The following NCAPG2 variants were observed in gnomAD, a reference collection of about 807,000 sequenced individuals.
The protein encoded by NCAPG2 is non-SMC condensin II complex subunit G2.
Under a neutral mutation model 141.1 loss-of-function variants are expected in NCAPG2, and 53 were observed. The observed-to-expected ratio is 0.38, with a 90% CI of 0.30 to 0.47. The LOEUF is 0.47. Ranked by LOEUF, NCAPG2 falls within the 20% of genes least tolerant of loss-of-function variation. NCAPG2 has a pLI of 0.99. For missense variants in NCAPG2, 1,087 were observed against 1,389.0 expected (o/e 0.78, Z 3.46); for synonymous variants, 499 against 490.7 (o/e 1.02, Z -0.22).
intron 8 of NCAPG2, 52 bp from the exon 9 acceptor site, chr7:158,683,438 C>T (rs374802551): frequency 1.0e-4 from 140 of 1,370,708 alleles, no homozygotes; most frequent in Non-Finnish European, 1.3e-4. Context: ...GTCCTACTGA[C>T]GACCTGACAA....
In NCAPG2 at chr7:158,680,648, G is replaced by C. The variant is rs1042814529; in HGVS notation, c.1020+73C>G. 3 of 969,622 alleles carry C rather than the reference G, an allele frequency of 3.1e-6. No homozygotes were observed. In the East Asian group the frequency reaches 8.4e-5, roughly 27 times the overall value. 60.1% of individuals were successfully genotyped at this position (969,622 alleles called of 1,614,324 possible). A position where few individuals can be genotyped will look rare whatever the true frequency, so the allele number is the denominator to read the frequency against. ...ATCTTTACTATTTTATTGTAATTTG[G>C]ACTTAGAGTTTGCTAAATTCAAAAG... On this transcript the variant is annotated intron_variant, in intron 10 of 27. Coordinates refer to ENST00000356309, the MANE Select transcript of NCAPG2 (RefSeq NM_017760.7).
At position 158,687,397 on chromosome 7, in the gene NCAPG2, T is replaced by G. The variant is rs755005082; in HGVS notation, c.718A>C (p.Ile240Leu). 6.2e-7 allele frequency: 1 copy of G among 1,611,984 alleles called. No homozygotes were observed. Among genetic ancestry groups the G allele is most frequent in the South Asian group, 1.1e-5 (1 of 90,540 alleles). ...TTAATGGTCCCGTGGATCATTTTGA[T>G]GAAGTTGATATTCCAGTTGAAGAGA... ...SCLFNWNINF[I>L]KMIHGTIKNQ... is the part of the protein sequence containing the mutation. Residue 240 changes from isoleucine (I) to leucine (L), a missense_variant, in exon 7 of 28, where the codon ATC becomes CTC. Coordinates refer to ENST00000356309, the MANE Select transcript of NCAPG2 (RefSeq NM_017760.7).
At chr7:158,644,807 T>G (rs972086077) in intron 26 of NCAPG2, among the ~76,000 whole-genome samples, 2 of 152,198 alleles carry the variant, frequency 1.3e-5, no homozygotes, top group African/African-American at 4.8e-5. Flanking sequence ...AGTCTTTTCT[T>G]ATGCCCAACC....
chr7:158,662,517 G>T, intron 15 of NCAPG2, 150 bp from the exon 16 acceptor site: 1 of 645,880 alleles, frequency 1.5e-6, no homozygotes, highest in Non-Finnish European at 2.4e-6. Context: ...GAATCTTCTA[G>T]GGAGGTAAAT....
Position 158,693,517 on chromosome 7 carries a change from T to C in NCAPG2, c.79-20A>G. On this transcript the variant is annotated intron_variant, in intron 2 of 27. Coordinates refer to ENST00000356309, the MANE Select transcript of NCAPG2 (RefSeq NM_017760.7). ...CTCTTTCTGTAACATAAATAGCAAG[T>C]GTCACATTTCAAATACAAAAAATTA... is the stretch of plus-strand genomic sequence containing the variant. The C allele has an allele frequency of 6.3e-7, 1 of 1,583,110 alleles. No individual in the cohort carries two copies. Among genetic ancestry groups the C allele is most frequent in the Non-Finnish European group, 8.6e-7 (1 of 1,161,944 alleles).
chr7:158,686,498 T>G (rs886761161), intron 7 of NCAPG2, among the ~76,000 whole-genome samples: 1 of 152,336 alleles, frequency 6.6e-6, no homozygotes, highest in Middle Eastern at 3.4e-3. Flanking sequence ...CTATTTTCTG[T>G]GAAACTATGA....
At chr7:158,635,960 C>G (rs1365379131) in intron 27 of NCAPG2, among the ~76,000 whole-genome samples, 1 of 152,134 alleles carries the variant, frequency 6.6e-6, no homozygotes, top group Non-Finnish European at 1.5e-5. Context: ...CTTGTTTCAT[C>G]AATTTGTCAG....
At chr7:158,671,289 A>G (rs1479415272) in intron 13 of NCAPG2, among the ~76,000 whole-genome samples, 5 of 152,220 alleles carry the variant, frequency 3.3e-5, no homozygotes, top group African/African-American at 1.2e-4. Context: ...CGAAAATACA[A>G]TGGAAGGCAG....
In NCAPG2 at chr7:158,656,584, T is replaced by C; in HGVS notation, c.2182A>G (p.Asn728Asp). ...TGGGCATGCTCTGTGGGCAGCCAGTTGTCAACAAGCTCCAGAATGTGCCCC... is the reference window on the plus strand; with the variant it reads ...TGGGCATGCTCTGTGGGCAGCCAGTCGTCAACAAGCTCCAGAATGTGCCCC... ...QVGHILELVD[N>D]WLPTEHAQAK... Residue 728 changes from asparagine to aspartate, a missense_variant, in exon 18 of 28, where the codon AAC becomes GAC. Coordinates refer to ENST00000356309, the MANE Select transcript of NCAPG2 (RefSeq NM_017760.7). 3 of 1,614,126 alleles carry C rather than the reference T, an allele frequency of 1.9e-6. No individual in the cohort carries two copies. Among genetic ancestry groups the C allele is most frequent in the Non-Finnish European group, 2.5e-6 (3 of 1,180,042 alleles).
intron 2 of NCAPG2, among the ~76,000 whole-genome samples, chr7:158,694,443 T>A (rs746419933): frequency 2.0e-5 from 3 of 152,150 alleles, no homozygotes; most frequent in Non-Finnish European, 2.9e-5. Flanking sequence ...GTGTCACCAC[T>A]TTCCCACAGA....
intron 24 of NCAPG2, among the ~76,000 whole-genome samples, chr7:158,649,630 C>G (rs61423427): frequency 0.14 from 21,519 of 152,148 alleles, 1,945 homozygotes; most frequent in East Asian, 0.4. Context: ...GATCTCCCTT[C>G]AAGCTTTAAG....
intron 1 of NCAPG2, chr7:158,703,614 C>T (rs2129469964): frequency 6.6e-6 from 1 of 152,222 alleles, no homozygotes; most frequent in East Asian, 1.9e-4. Flanking sequence ...AGCCCTGCAG[C>T]CAGAATGCTA....
intron 13 of NCAPG2, among the ~76,000 whole-genome samples, chr7:158,670,547 G>A (rs1158363028): frequency 6.6e-6 from 1 of 152,172 alleles, no homozygotes; most frequent in African/African-American, 2.4e-5. Context: ...GTGGGACCCT[G>A]TCTCCCCCTC....
At chr7:158,703,093 T>C (rs917102793) in intron 1 of NCAPG2, among the ~76,000 whole-genome samples, 5 of 152,238 alleles carry the variant, frequency 3.3e-5, no homozygotes, top group African/African-American at 1.2e-4. Flanking sequence ...ATACAGCCTA[T>C]GTGTGTAGGC....
chr7:158,697,175 T>C (rs1298147063), intron 2 of NCAPG2, among the ~76,000 whole-genome samples: 3 of 152,270 alleles, frequency 2.0e-5, no homozygotes, highest in Non-Finnish European at 4.4e-5. Context: ...TGCATGTCTG[T>C]TATTGCCCCT....
chr7:158,643,930 C>CA (rs1830817002), intron 27 of NCAPG2, among the ~76,000 whole-genome samples: 3 of 152,222 alleles, frequency 2.0e-5, no homozygotes, highest in Admixed American at 2.0e-4. Context: ...CGCACATCCC[C>CA]ATGTGGGTAT....
intron 13 of NCAPG2, chr7:158,667,064 C>A (rs988159313): frequency 1.1e-6 from 1 of 918,114 alleles, no homozygotes; most frequent in Non-Finnish European, 1.3e-6. Flanking sequence ...GCCAGCCAGA[C>A]TGCCTCTTAT....
chr7:158,650,485 T>G (rs1291921950), intron 24 of NCAPG2, among the ~76,000 whole-genome samples: 1 of 152,220 alleles, frequency 6.6e-6, no homozygotes, highest in Non-Finnish European at 1.5e-5. Context: ...TCACCACTGA[T>G]TACAACTACT....
chr7:158,687,220 T>C (rs1834819027), intron 7 of NCAPG2, 128 bp downstream of exon 7: 2 of 526,588 alleles, frequency 3.8e-6, no homozygotes, highest in East Asian at 3.3e-5. Flanking sequence ...AGTGATCCAA[T>C]GGTACATAAT....
Sources: gnomAD v4.1 joint callset for allele counts (sites outside exome capture counted in the v4.1 genomes callset) on GRCh38, gnomAD v4.1.1 for gene constraint, MANE v1.5 for transcripts, NCBI Gene and HGNC (gene_info 2026-07-23, HGNC 2026-07-21) for gene names.